The following CROCC2 variants were observed in gnomAD, a reference collection of about 807,000 sequenced individuals.
CROCC2 encodes the protein ciliary rootlet coiled-coil protein 2.
CROCC2 carries 163 observed loss-of-function variants against 177.6 expected under a neutral mutation model. That is an observed-to-expected ratio of 0.92 (90% CI 0.81 to 1.05). CROCC2 has a LOEUF of 1.05. Among genes scored for constraint, CROCC2 ranks in the 50% least tolerant of loss-of-function variants. The pLI, the probability that CROCC2 is intolerant of heterozygous loss-of-function variation, is 0.00. For missense variants in CROCC2, 1,929 were observed against 1,797.8 expected, an observed-to-expected ratio of 1.07 and a Z score of -1.32; for synonymous variants, 904 against 787.3, an observed-to-expected ratio of 1.15 and a Z score of -2.48.
Position 240,965,396 on chromosome 2 carries a change from G to A in CROCC2, c.3481G>A (p.Ala1161Thr). ...ELHRQVRTLK[A>T]ENQRRSGEAH... The stretch of plus-strand genomic sequence containing the variant: ...ACGCTCCCAGGTGAGGACACTGAAG[G>A]CCGAGAACCAGAGGAGGAGTGGAGA... The change falls in exon 23 of 32, where the codon GCC becomes ACC. Residue 1161 changes from alanine to threonine, a missense_variant. Ala to Thr is a moderately conservative substitution (Grantham distance 58, BLOSUM62 0). This residue lies in a region of CROCC2 where 1,397 missense variants were observed against 1,239.9 expected (regional missense o/e 1.13). Coordinates refer to ENST00000690015, the MANE Select transcript of CROCC2 (RefSeq NM_001351305.2). The A allele has an allele frequency of 6.5e-7, 1 of 1,549,528 alleles. No individual in the cohort carries two copies. Among genetic ancestry groups the A allele is most frequent in the Non-Finnish European group, 8.7e-7 (1 of 1,146,900 alleles).
At chr2:240,983,828 G>A in intron 28 of CROCC2, 1 of 334,254 alleles carries the variant, frequency 3.0e-6, no homozygotes, top group Non-Finnish European at 5.7e-6. Flanking sequence ...TGTCTCCAGT[G>A]TCTGAGCCCA....
chr2:240,948,894 A>G, intron 15 of CROCC2, 85 bp from the exon 16 acceptor site: 1 of 1,279,828 alleles, frequency 7.8e-7, no homozygotes, highest in Non-Finnish European at 1.1e-6. Flanking sequence ...GCTGAGTCTC[A>G]TTAACACCTG....
intron 30 of CROCC2, among the ~76,000 whole-genome samples, 179 bp downstream of exon 30, chr2:240,990,012 G>C (rs566700743): frequency 6.6e-6 from 1 of 152,194 alleles, no homozygotes; most frequent in Non-Finnish European, 1.5e-5. Context: ...TGCTCTCGAC[G>C]GCACGAGGTT....
intron 18 of CROCC2, chr2:240,955,502 A>C: frequency 9.0e-6 from 2 of 221,580 alleles, no homozygotes; most frequent in South Asian, 1.3e-4. Flanking sequence ...AGTGTTGCCT[A>C]GAGGGATGGG....
chr2:240,933,648 A>G (rs1192683589), intron 10 of CROCC2, 22 bp from the exon 11 acceptor site: 4 of 1,548,706 alleles, frequency 2.6e-6, no homozygotes, highest in African/African-American at 2.7e-5. Context: ...GGCCGCCCCA[A>G]CTCTGCCCCC....
At chr2:240,964,755 G>A in intron 22 of CROCC2, 130 bp downstream of exon 22, 2 of 1,166,036 alleles carry the variant, frequency 1.7e-6, no homozygotes, top group Non-Finnish European at 2.4e-6. Flanking sequence ...CAGACTTTGG[G>A]CCACGCCCTG....
At chr2:240,950,208 C>T in intron 17 of CROCC2, 126 bp from the exon 18 acceptor site, 5 of 901,736 alleles carry the variant, frequency 5.5e-6, no homozygotes, top group South Asian at 3.7e-5. Context: ...GTGCAGCTGG[C>T]TGGTCTGGAC....
intron 3 of CROCC2, among the ~76,000 whole-genome samples, chr2:240,921,346 G>A (rs2059356005): frequency 1.3e-5 from 2 of 152,202 alleles, no homozygotes; most frequent in African/African-American, 2.4e-5. Flanking sequence ...CTGAGGGCAG[G>A]AGCTGGGGTC....
chr2:240,962,486 G>A (rs1275703434), intron 20 of CROCC2, among the ~76,000 whole-genome samples: 1 of 152,182 alleles, frequency 6.6e-6, no homozygotes, highest in Non-Finnish European at 1.5e-5. Flanking sequence ...CCACGTGTGG[G>A]GGTGGAGGGG....
At position 240,960,201 on chromosome 2, in the gene CROCC2, C is replaced by G. The variant is rs1399357712; in HGVS notation, c.3087+757C>G. Among the ~76,000 whole-genome samples the G allele has an allele frequency of 6.6e-6, 1 of 152,252 alleles. No individual in the cohort carries two copies. The highest frequency in any genetic ancestry group is 2.4e-5 in the African/African-American group (1 of 41,472). ...CCATCCACTGAGGCACGGGGAGGCC[C>G]TAGACAAGCTGGGCTCTGCCCACAC... On this transcript the variant is annotated intron_variant, in intron 20 of 31. Transcript: ENST00000690015. The surrounding 1 kb of genome is among the most constrained non-coding windows in gnomAD (Gnocchi z 5.0).
At chr2:240,983,764 C>T in intron 28 of CROCC2, 1 of 484,662 alleles carries the variant, frequency 2.1e-6, no homozygotes, top group Non-Finnish European at 3.3e-6. Flanking sequence ...TCGTGTGCGC[C>T]CTGCCTTGGC....
intron 27 of CROCC2, among the ~76,000 whole-genome samples, chr2:240,978,300 C>A: frequency 2.9e-5 from 1 of 34,668 alleles, no homozygotes; most frequent in Non-Finnish European, 4.4e-5. Flanking sequence ...CCCAGGCTCA[C>A]CCCTCCTCAG....
At position 240,930,972 on chromosome 2, in the gene CROCC2, G is replaced by GCCGCCTGCACA; in HGVS notation, c.800_810dup (p.Leu271ThrfsTer5). ...CAGGCAGACACGGCCAGGACAGCCC[G>GCCGCCTGCACA]CCGCCTGCACACCGCCTGCCTGAAC... On this transcript the variant is annotated frameshift_variant, in exon 7 of 32. Coordinates refer to ENST00000690015, the MANE Select transcript of CROCC2 (RefSeq NM_001351305.2). LOFTEE classifies it high-confidence loss of function. 1 of 715,154 alleles carries GCCGCCTGCACA rather than the reference G, an allele frequency of 1.4e-6. No individual in the cohort carries two copies. Among genetic ancestry groups the GCCGCCTGCACA allele is most frequent in the Admixed American group, 2.0e-5 (1 of 49,968 alleles). The allele number at this position is 715,154 out of a possible 1,614,324, so 44.3% of individuals were successfully genotyped here. A position where few individuals can be genotyped will look rare whatever the true frequency, so the allele number is the denominator to read the frequency against.
rs952903802 is a variant in CROCC2, at chr2:240,950,332, A to C, written c.2653-2A>C. On this transcript the variant is annotated splice_acceptor_variant, in intron 17 of 31. Transcript: ENST00000690015. LOFTEE classifies it high-confidence loss of function. Reference sequence around the variant, plus strand: ...ACAGCCCATCCCTTTACCTTGGCCCAGGAGACCCTGAGCCTGACCCTGGCA... The same window carrying C: ...ACAGCCCATCCCTTTACCTTGGCCCCGGAGACCCTGAGCCTGACCCTGGCA... 1 of 1,549,236 alleles carries C rather than the reference A, an allele frequency of 6.5e-7. No individual in the cohort carries two copies. The highest frequency in any genetic ancestry group is 1.4e-5 in the African/African-American group (1 of 73,130).
chr2:240,961,847 G>GAC (rs1207401132), intron 20 of CROCC2, among the ~76,000 whole-genome samples: 1,774 of 49,346 alleles, frequency 0.036, 337 homozygotes, highest in East Asian at 0.15. Context: ...ATACACTCAT[G>GAC]ACACACACGC....
intron 18 of CROCC2, chr2:240,954,690 G>C (rs1225641366): frequency 6.6e-6 from 1 of 152,230 alleles, no homozygotes; most frequent in African/African-American, 2.4e-5. Context: ...GGTGATTGAA[G>C]CCCACTTCTC....
In CROCC2 at chr2:240,958,052, G is replaced by C. The variant is rs1164940569; in HGVS notation, c.2944-1249G>C. ...GACTCGGTACCAGGCCTGCCAGCCA[G>C]CCGGCCTTCCTGGGGAGCTCGTTAA... On this transcript the variant is annotated intron_variant, in intron 19 of 31. Transcript: ENST00000690015. The surrounding 1 kb of genome is among the most constrained non-coding windows in gnomAD (Gnocchi z 6.7). 1 of 985,300 alleles carries C rather than the reference G, an allele frequency of 1.0e-6. No homozygotes were observed. The highest frequency in any genetic ancestry group is 1.2e-6 in the Non-Finnish European group (1 of 829,934). The allele number at this position is 985,300 out of a possible 1,614,324, so 61.0% of individuals were successfully genotyped here.
intron 18 of CROCC2, 197 bp downstream of exon 18, chr2:240,950,707 TCACCCATCCATC>T: frequency 5.4e-6 from 3 of 557,784 alleles, no homozygotes; most frequent in Non-Finnish European, 9.3e-6. Flanking sequence ...GTCCATTCAT[TCACCCATCCATC>T]CACCCATCCA....
chr2:240,933,233 C>G lies in CROCC2; in HGVS notation c.1354C>G (p.Gln452Glu), dbSNP rs867848083. The G allele has an allele frequency of 6.5e-7, 1 of 1,549,460 alleles. No homozygotes were observed. Among genetic ancestry groups the G allele is most frequent in the Non-Finnish European group, 8.7e-7 (1 of 1,146,800 alleles). ...GCTGTGGGCCGCACAGAAGCTCCAG[C>G]AGGAGCGGGCTCGGGAGCAGGCACG... is the stretch of plus-strand genomic sequence containing the variant. ...RELWAAQKLQ[Q>E]ERAREQARER... Residue 452 changes from glutamine (Q) to glutamate (E), a missense_variant, in exon 10 of 32, where the codon CAG (glutamine) becomes GAG (glutamate). By Grantham distance (29) the Gln-to-Glu change is conservative (BLOSUM62 2). Transcript: ENST00000690015.
Sources: gnomAD v4.1 joint callset for allele counts (sites outside exome capture counted in the v4.1 genomes callset) on GRCh38, gnomAD v4.1.1 for gene constraint, gnomAD v4.1.1 regional missense constraint, Gnocchi (gnomAD v3.1) non-coding constraint, MANE v1.5 for transcripts, NCBI Gene and HGNC (gene_info 2026-07-23, HGNC 2026-07-21) for gene names.